FAM178B: variants seen among roughly 807,000 people sequenced by gnomAD.
FAM178B encodes family with sequence similarity 178 member B, also known as protein FAM178B.
In FAM178B, 82 loss-of-function variants were observed where a neutral mutation model predicts 91.7. The ratio of observed to expected loss-of-function variants is 0.89; its 90% CI spans 0.75 to 1.07. The LOEUF is 1.07. Ranked by LOEUF, FAM178B falls within the 50% of genes least tolerant of loss-of-function variation. FAM178B has a pLI of 0.00. For synonymous variants in FAM178B, 368 were observed against 359.4 expected (o/e 1.02, Z -0.27); for missense variants, 769 against 846.7 (o/e 0.91, Z 1.14).
intron 1 of FAM178B, chr2:96,977,950 C>CG: frequency 4.4e-6 from 1 of 229,316 alleles, no homozygotes; most frequent in South Asian, 3.4e-5. Context: ...GTGGGGCGGG[C>CG]GGGGGAGGGG....
intron 8 of FAM178B, among the ~76,000 whole-genome samples, chr2:96,931,047 T>A (rs1371237695): frequency 6.6e-6 from 1 of 152,206 alleles, no homozygotes; most frequent in Non-Finnish European, 1.5e-5. Flanking sequence ...TACTTTGTCA[T>A]AGCATCTCAA....
chr2:96,901,029 C>A (rs948311596), intron 13 of FAM178B, among the ~76,000 whole-genome samples: 4 of 152,120 alleles, frequency 2.6e-5, no homozygotes, highest in African/African-American at 9.7e-5. Context: ...GAGGTGCGGG[C>A]GCGCTCAACC....
chr2:96,922,319 GGC>G (rs2081355572), intron 10 of FAM178B, among the ~76,000 whole-genome samples: 1 of 152,166 alleles, frequency 6.6e-6, no homozygotes, highest in Non-Finnish European at 1.5e-5. Context: ...CAGCCCTTGG[GGC>G]TGCTCTGCCT....
chr2:96,925,852 G>T (rs2081428708), intron 9 of FAM178B, among the ~76,000 whole-genome samples: 1 of 152,230 alleles, frequency 6.6e-6, no homozygotes, highest in Non-Finnish European at 1.5e-5. Flanking sequence ...GACATTCTCA[G>T]AGGGAAGATG....
chr2:96,940,689 T>C (rs1245944406), intron 8 of FAM178B, among the ~76,000 whole-genome samples: 2 of 152,052 alleles, frequency 1.3e-5, no homozygotes, highest in Admixed American at 6.5e-5. Context: ...TGAAGAGGCA[T>C]AGGGAAACTT....
intron 6 of FAM178B, chr2:96,956,714 C>A (rs2082004835): frequency 6.6e-6 from 1 of 152,244 alleles, no homozygotes; most frequent in South Asian, 2.1e-4. Flanking sequence ...TCAGCTCCCA[C>A]AGCATGAACT....
rs143002255 is a variant in FAM178B, at chr2:96,924,426, C to T, written c.1194-843G>A. ...ATAAGACCTGCATGGCCAGTTTCCC[C>T]GAGTGACGGACCCAATCTGGCTGAG... On this transcript the variant is annotated intron_variant, in intron 9 of 16. Coordinates refer to ENST00000490605, the MANE Select transcript of FAM178B (RefSeq NM_001122646.3). 7.9e-5 allele frequency among the ~76,000 whole-genome samples: 12 copies of T among 152,348 alleles called. No individual in the cohort carries two copies. The East Asian group carries it at 1.5e-3, about 20-fold the overall frequency.
intron 4 of FAM178B, among the ~76,000 whole-genome samples, chr2:96,970,315 G>A (rs1425490588): frequency 1.3e-5 from 2 of 152,176 alleles, no homozygotes; most frequent in African/African-American, 4.8e-5. Context: ...AGAAAGCAGC[G>A]GCAGAAATGT....
At chr2:96,976,097 C>CTTT (rs757487916) in intron 1 of FAM178B, among the ~76,000 whole-genome samples, 1 of 142,396 alleles carries the variant, frequency 7.0e-6, no homozygotes, top group African/African-American at 2.6e-5. Flanking sequence ...TAAAACAATT[C>CTTT]TTTTTTTTTT....
At chr2:96,963,567 C>T (rs1204940270) in intron 5 of FAM178B, among the ~76,000 whole-genome samples, 2 of 152,228 alleles carry the variant, frequency 1.3e-5, no homozygotes, top group African/African-American at 4.8e-5. Flanking sequence ...CTCTCTTTGT[C>T]CACCTGGGAC....
rs1553493733 is a variant in FAM178B at position 96,889,723 on chromosome 2, C to CCA, written c.1776+4202_1776+4203insTG. Among the ~76,000 whole-genome samples the CCA allele has an allele frequency of 1.3e-3, 179 of 135,876 alleles. 1 individual carries two copies. Among genetic ancestry groups the CCA allele is most frequent in the African/African-American group, 4.9e-3 (173 of 35,646 alleles). 89.1% of individuals were successfully genotyped at this position (135,876 alleles called of 152,430 possible). A position where few individuals can be genotyped will look rare whatever the true frequency, so the allele number is the denominator to read the frequency against. ...AAATAAATAAATAAATAAATAAATA[C>CCA]AAAAAAAAATAGAGCATCAGTAGAG... On this transcript the variant is annotated intron_variant, in intron 14 of 16. Coordinates refer to ENST00000490605, the MANE Select transcript of FAM178B (RefSeq NM_001122646.3).
intron 13 of FAM178B, among the ~76,000 whole-genome samples, chr2:96,898,547 G>A (rs2314650): frequency 0.22 from 32,810 of 152,104 alleles, 4,717 homozygotes; most frequent in South Asian, 0.63. Context: ...CCAGCTACTC[G>A]GGAGGCTGAG....
At chr2:96,917,808 A>G (rs1185757750) in intron 12 of FAM178B, among the ~76,000 whole-genome samples, 5 of 152,194 alleles carry the variant, frequency 3.3e-5, no homozygotes, top group Admixed American at 3.3e-4. Flanking sequence ...GTGAGCCATG[A>G]TGGTACCACT....
At chr2:96,891,011 A>G (rs1335439350) in intron 14 of FAM178B, among the ~76,000 whole-genome samples, 1 of 152,208 alleles carries the variant, frequency 6.6e-6, no homozygotes, top group Non-Finnish European at 1.5e-5. Context: ...TCAAAATGCT[A>G]AAAACGTTAT....
At chr2:96,928,983 C>G (rs980380496) in intron 9 of FAM178B, among the ~76,000 whole-genome samples, 3 of 150,776 alleles carry the variant, frequency 2.0e-5, no homozygotes, top group East Asian at 1.9e-4. Flanking sequence ...GACCCCCCCC[C>G]GCCACCTCTA....
In FAM178B at chr2:96,893,954, G is replaced by A. The variant is rs751522162; in HGVS notation, c.1748C>T (p.Pro583Leu). The change falls in exon 14 of 17, where the codon CCA (proline) becomes CTA (leucine). Residue 583 changes from proline to leucine, a missense_variant. By Grantham distance (98) the Pro-to-Leu change is moderately conservative. Transcript: ENST00000490605. The stretch of plus-strand genomic sequence containing the variant: ...GTGGTCTAGCTCGGCACTAGCCTTT[G>A]GCTGTTGCTCCTGGCAGGGTGGCAA... ...VPLPPCQEQQ[P>L]KASAELDHKA... 2.5e-6 allele frequency: 4 copies of A among 1,612,830 alleles called. No homozygotes were observed. The African/African-American group carries it at 5.3e-5, about 22-fold the overall frequency.
intron 8 of FAM178B, among the ~76,000 whole-genome samples, chr2:96,940,590 T>C (rs1326009649): frequency 7.2e-5 from 11 of 152,190 alleles, no homozygotes; most frequent in Non-Finnish European, 1.5e-5. Flanking sequence ...ATTCCATTTA[T>C]ATAAAATTCT....
chr2:96,932,452 C>T (rs2081556224), intron 8 of FAM178B, among the ~76,000 whole-genome samples: 1 of 152,188 alleles, frequency 6.6e-6, no homozygotes, highest in African/African-American at 2.4e-5. Flanking sequence ...ATTAACACTG[C>T]CTAGAAGTGG....
chr2:96,898,932 C>T (rs2080873568), intron 13 of FAM178B, among the ~76,000 whole-genome samples: 1 of 152,216 alleles, frequency 6.6e-6, no homozygotes, highest in African/African-American at 2.4e-5. Context: ...GAACATGCAG[C>T]ACTGGCAAGC....
Sources: allele counts gnomAD v4.1 joint callset (sites outside exome capture counted in the v4.1 genomes callset), GRCh38; gene constraint gnomAD v4.1.1; transcripts MANE v1.5; gene names NCBI Gene and HGNC (gene_info 2026-07-23, HGNC 2026-07-21).